Variants in ATP6V1E1 observed in about 807,000 individuals in gnomAD.
The protein encoded by ATP6V1E1 is ATPase H+ transporting V1 subunit E1.
ATP6V1E1 carries 21 observed loss-of-function variants against 35.2 expected under a neutral mutation model. The observed-to-expected ratio is 0.60, with a 90% CI of 0.42 to 0.86. The LOEUF (loss-of-function observed/expected upper bound fraction) is 0.86. Among genes scored for constraint, ATP6V1E1 ranks in the 40% least tolerant of loss-of-function variants. The pLI is 0.00. For synonymous variants in ATP6V1E1, 83 were observed against 87.8 expected (o/e 0.95, Z 0.30); for missense variants, 183 against 272.6 (o/e 0.67, Z 2.32).
intron 4 of ATP6V1E1, among the ~76,000 whole-genome samples, chr22:17,609,127 AAAC>A (rs766854275): frequency 0.07 from 10,600 of 151,456 alleles, 1,252 homozygotes; most frequent in African/African-American, 0.24. Flanking sequence ...ACAAACAAAC[AAAC>A]AAACAAAAAT....
chr22:17,596,752 T>C (rs1296826), intron 7 of ATP6V1E1, among the ~76,000 whole-genome samples: 22,087 of 152,048 alleles, frequency 0.15, 2,957 homozygotes, highest in African/African-American at 0.34. Context: ...GTTTATATAC[T>C]TTTTCCATTT....
intron 6 of ATP6V1E1, among the ~76,000 whole-genome samples, chr22:17,599,412 T>C (rs1324909411): frequency 6.6e-6 from 1 of 150,726 alleles, no homozygotes; most frequent in Non-Finnish European, 1.5e-5. Context: ...CTGTCTCTAC[T>C]AAAGATACAA....
chr22:17,614,545 G>T (rs1179160058), intron 2 of ATP6V1E1, among the ~76,000 whole-genome samples: 1 of 151,502 alleles, frequency 6.6e-6, no homozygotes, highest in East Asian at 1.9e-4. Context: ...GTGGGCACAT[G>T]CCTGTAATCC....
chr22:17,606,335 A>G (rs2057786777), intron 4 of ATP6V1E1, among the ~76,000 whole-genome samples: 1 of 151,916 alleles, frequency 6.6e-6, no homozygotes, highest in African/African-American at 2.4e-5. Context: ...AAGTTTAGAA[A>G]TAGCAAAATC....
chr22:17,621,614 A>G (rs149502241), intron 1 of ATP6V1E1, among the ~76,000 whole-genome samples: 3 of 152,270 alleles, frequency 2.0e-5, no homozygotes, highest in African/African-American at 7.2e-5. Flanking sequence ...CCTTTCAAGC[A>G]TCATATGAAA....
At chr22:17,628,165 C>T (rs1421174835) in intron 1 of ATP6V1E1, among the ~76,000 whole-genome samples, 3 of 151,998 alleles carry the variant, frequency 2.0e-5, no homozygotes, top group Admixed American at 1.3e-4. Flanking sequence ...GGGGTTTCAC[C>T]ATTTTGGCCA....
intron 6 of ATP6V1E1, among the ~76,000 whole-genome samples, chr22:17,599,202 T>C (rs1042817665): frequency 6.6e-5 from 10 of 151,686 alleles, no homozygotes; most frequent in African/African-American, 1.2e-4. Context: ...TGGATGGTGG[T>C]GATGGCTGCA....
chr22:17,606,084 A>G (rs1305998361), intron 4 of ATP6V1E1, among the ~76,000 whole-genome samples: 3 of 152,158 alleles, frequency 2.0e-5, no homozygotes, highest in Non-Finnish European at 4.4e-5. Context: ...CAAAGCCTGC[A>G]CTCTTAATCC....
intron 1 of ATP6V1E1, among the ~76,000 whole-genome samples, chr22:17,623,575 G>A (rs1187059847): frequency 2.0e-5 from 3 of 151,922 alleles, no homozygotes; most frequent in South Asian, 2.1e-4. Context: ...GGAGGCTGAT[G>A]GAGGAGAATC....
At chr22:17,623,875 A>G (rs1288515154) in intron 1 of ATP6V1E1, among the ~76,000 whole-genome samples, 1 of 152,142 alleles carries the variant, frequency 6.6e-6, no homozygotes, top group Non-Finnish European at 1.5e-5. Flanking sequence ...TACAGTTAAC[A>G]TGATCATATT....
At position 17,598,226 on chromosome 22, in the gene ATP6V1E1, T is replaced by A; in HGVS notation, c.498A>T (p.Gln166His). 1 of 1,614,028 alleles carries A rather than the reference T, an allele frequency of 6.2e-7. No individual in the cohort carries two copies. The highest frequency in any genetic ancestry group is 8.5e-7 in the Non-Finnish European group (1 of 1,179,924). The change falls in exon 7 of 9, where the codon CAA becomes CAT. Residue 166 changes from glutamine (Q) to histidine (H), a missense_variant. Transcript: ENST00000253413. ...KIATKNDVDV[Q>H]IDQESYLPED... ...CAGGCAGGTAGGACTCCTGGTCAATTTGGACATCAACATCGTTTTTGGTGG... is the reference window on the plus strand; with the variant it reads ...CAGGCAGGTAGGACTCCTGGTCAATATGGACATCAACATCGTTTTTGGTGG...
intron 4 of ATP6V1E1, 43 bp downstream of exon 4, chr22:17,612,769 A>T: frequency 7.0e-7 from 1 of 1,429,340 alleles, no homozygotes; most frequent in Non-Finnish European, 9.5e-7. Flanking sequence ...GGAAATGAAT[A>T]AACATGTAAT....
intron 1 of ATP6V1E1, among the ~76,000 whole-genome samples, chr22:17,624,656 T>C (rs886621596): frequency 9.2e-5 from 14 of 151,880 alleles, no homozygotes; most frequent in African/African-American, 3.4e-4. Context: ...CCATGTGTAC[T>C]AAAAATACAA....
intron 6 of ATP6V1E1, among the ~76,000 whole-genome samples, chr22:17,599,691 G>A (rs570194829): frequency 1.1e-4 from 17 of 149,134 alleles, no homozygotes; most frequent in African/African-American, 2.2e-4. Flanking sequence ...AGGACGAGGC[G>A]GGTGGATCAC....
intron 7 of ATP6V1E1, among the ~76,000 whole-genome samples, chr22:17,596,894 T>C (rs776483567): frequency 5.3e-5 from 8 of 151,996 alleles, no homozygotes; most frequent in Non-Finnish European, 1.0e-4. Flanking sequence ...AAGGCCAAGA[T>C]AGGACTCAAA....
At chr22:17,603,884 A>G (rs987447631) in intron 4 of ATP6V1E1, among the ~76,000 whole-genome samples, 17 of 152,164 alleles carry the variant, frequency 1.1e-4, no homozygotes, top group African/African-American at 3.9e-4. Flanking sequence ...CACCCTATCC[A>G]CACTGGTCAC....
Position 17,601,097 on chromosome 22 carries a change from G to A in ATP6V1E1, c.361C>T (p.Leu121Phe). 1 of 1,612,484 alleles carries A rather than the reference G, an allele frequency of 6.2e-7. No homozygotes were observed. Among genetic ancestry groups the A allele is most frequent in the African/African-American group, 1.3e-5 (1 of 75,032 alleles). ...GATCTGGTCTATGAGGGTACCTGGA[G>A]AACCAGTCCATCCAGCAGCACTTGG... ...RYQVLLDGLVLQGLYQLLEPR... is the reference protein window; with the variant it reads ...RYQVLLDGLVFQGLYQLLEPR... Residue 121 changes from leucine (L) to phenylalanine (F), a missense_variant, in exon 5 of 9, where the codon CTC becomes TTC. Physicochemically the swap from Leu to Phe is conservative, Grantham distance 22. Transcript: ENST00000253413.
intron 4 of ATP6V1E1, among the ~76,000 whole-genome samples, chr22:17,604,328 T>C (rs2057774966): frequency 6.6e-6 from 1 of 152,168 alleles, no homozygotes; most frequent in Non-Finnish European, 1.5e-5. Context: ...GCAGTTCACA[T>C]GTGGGCTTAT....
intron 1 of ATP6V1E1, among the ~76,000 whole-genome samples, chr22:17,621,295 G>A (rs1283169121): frequency 6.6e-6 from 1 of 152,138 alleles, no homozygotes; most frequent in African/African-American, 2.4e-5. Context: ...GATTTTAGAA[G>A]GTACAGGATC....
Sources: gnomAD v4.1 joint callset for allele counts (sites outside exome capture counted in the v4.1 genomes callset) on GRCh38, gnomAD v4.1.1 for gene constraint, MANE v1.5 for transcripts, NCBI Gene and HGNC (gene_info 2026-07-23, HGNC 2026-07-21) for gene names.